The following HNRNPF variants were observed in gnomAD, a reference collection of about 807,000 sequenced individuals.
HNRNPF encodes HnRNP F protein.
A neutral mutation model predicts 26.0 loss-of-function variants in HNRNPF; 2 were observed. The ratio of observed to expected loss-of-function variants is 0.08; its 90% confidence interval spans 0.03 to 0.24. The LOEUF (loss-of-function observed/expected upper bound fraction) is 0.24. Ranked by LOEUF, HNRNPF falls within the 10% of genes least tolerant of loss-of-function variation. The probability of loss-of-function intolerance (pLI) is 1.00; values close to 1 mark genes in which losing one functional copy is unlikely to be tolerated. For missense variants in HNRNPF, 299 were observed against 539.2 expected, an observed-to-expected ratio of 0.55 and a Z score of 4.41; for synonymous variants, 234 against 211.5, an observed-to-expected ratio of 1.11 and a Z score of -0.92.
chr10:43,387,579 G>T lies in HNRNPF; in HGVS notation c.306C>A (p.Pro102=), dbSNP rs1588986322. Residue 102 remains proline (P), a synonymous_variant, in exon 4 of 4, where the codon CCC becomes CCA. Coordinates refer to ENST00000682386, the MANE Select transcript of HNRNPF (RefSeq NM_001098204.2). This position sits in a 1 kb window ranked among gnomAD's most constrained non-coding sequence, Gnocchi z 6.0. The part of the protein sequence containing the change: ...EMDWVLKHSG[P]NSADSANDGF... ...CATCGTTGGCGCTGTCGGCACTGTT[G>T]GGACCACTGTGCTTCAACACCCAAT... 6.2e-7 allele frequency: 1 copy of T among 1,614,138 alleles called. No homozygotes were observed. Among genetic ancestry groups the T allele is most frequent in the Non-Finnish European group, 8.5e-7 (1 of 1,180,018 alleles).
At chr10:43,393,814 T>C (rs1489065798) in intron 3 of HNRNPF, among the ~76,000 whole-genome samples, 1 of 152,154 alleles carries the variant, frequency 6.6e-6, no homozygotes, top group Non-Finnish European at 1.5e-5. Flanking sequence ...CACTTCCTTT[T>C]TTCTCCTGGA....
chr10:43,395,695 T>C (rs1463713964), intron 2 of HNRNPF, among the ~76,000 whole-genome samples: 2 of 152,196 alleles, frequency 1.3e-5, no homozygotes. Context: ...ACAATCCGAC[T>C]TGTTCAAGGA....
chr10:43,387,886 G>GA lies in HNRNPF; in HGVS notation c.-3dup. On this transcript the variant is annotated 5_prime_UTR_variant, in exon 4 of 4. Transcript: ENST00000682386. This position sits in a 1 kb window ranked among gnomAD's most constrained non-coding sequence, Gnocchi z 6.0. Reference sequence around the variant, plus strand: ...ACCTCCCTCAGGGCCCAGCATCATGGACACTTGTCAGGGTGGGTGTCAGGT... The same window carrying GA: ...ACCTCCCTCAGGGCCCAGCATCATGGAACACTTGTCAGGGTGGGTGTCAGGT... 1 of 1,598,610 alleles carries GA rather than the reference G, an allele frequency of 6.3e-7. No homozygotes were observed. Among genetic ancestry groups the GA allele is most frequent in the Non-Finnish European group, 8.6e-7 (1 of 1,167,258 alleles).
In HNRNPF at chr10:43,386,256, G is replaced by A. The variant is rs1226486689; in HGVS notation, c.*381C>T. On this transcript the variant is annotated 3_prime_UTR_variant, in exon 4 of 4. Transcript: ENST00000682386. ...AATATAAACTAGAATGAACAAACAT[G>A]AGAAATATTTCTTTGAATCAGGGAG... The A allele has an allele frequency of 2.5e-5, 4 of 162,608 alleles. No homozygotes were observed. Among genetic ancestry groups the A allele is most frequent in the African/African-American group, 9.6e-5 (4 of 41,826 alleles). The allele number at this position is 162,608 out of a possible 1,614,324, so 10.1% of individuals were successfully genotyped here.
rs1838390058 is a variant in HNRNPF at position 43,394,658 on chromosome 10, G to A, written c.-81C>T. ...AAAAACAACCACGGATGCCTTCAGT[G>A]GGAGACACTTCTGGATGGTAATGAA... On this transcript the variant is annotated 5_prime_UTR_variant, in exon 3 of 4. Coordinates refer to ENST00000682386, the MANE Select transcript of HNRNPF (RefSeq NM_001098204.2). The A allele has an allele frequency of 6.6e-6, 1 of 152,102 alleles. No individual in the cohort carries two copies. Among genetic ancestry groups the A allele is most frequent in the Non-Finnish European group, 1.5e-5 (1 of 68,036 alleles). 9.4% of individuals were successfully genotyped at this position (152,102 alleles called of 1,614,324 possible). A position where few individuals can be genotyped will look rare whatever the true frequency, so the allele number is the denominator to read the frequency against.
chr10:43,403,877 C>T (rs1289567857), intron 1 of HNRNPF, among the ~76,000 whole-genome samples: 1 of 152,092 alleles, frequency 6.6e-6, no homozygotes, highest in African/African-American at 2.4e-5. Flanking sequence ...CACCTGTAAT[C>T]CCAGCTACTT....
intron 1 of HNRNPF, among the ~76,000 whole-genome samples, chr10:43,402,551 T>C (rs1328812586): frequency 6.6e-6 from 1 of 152,218 alleles, no homozygotes; most frequent in African/African-American, 2.4e-5. Flanking sequence ...TAGTCTGTAT[T>C]ACTTTGCATG....
At position 43,386,686 on chromosome 10, in the gene HNRNPF, C is replaced by G. The variant is rs775539785; in HGVS notation, c.1199G>C (p.Cys400Ser). The change falls in exon 4 of 4, where the codon TGT (cysteine) becomes TCT (serine). Residue 400 changes from cysteine to serine, a missense_variant. Cys to Ser is a moderately radical substitution (Grantham distance 112). Around this residue, in one of 6 missense-constraint regions of HNRNPF, gnomAD observed 53 missense variants for 72.4 expected, o/e 0.73. Coordinates refer to ENST00000682386, the MANE Select transcript of HNRNPF (RefSeq NM_001098204.2). ...SGLESQSVSG[C>S]YGAGYSGQNS... ...CTGCCCACTGTAGCCGGCCCCGTAA[C>G]AGCCACTCACTGACTGGCTCTCCAG... 12 of 1,595,716 alleles carry G rather than the reference C, an allele frequency of 7.5e-6. No homozygotes were observed. Among genetic ancestry groups the G allele is most frequent in the Non-Finnish European group, 9.4e-6 (11 of 1,175,412 alleles).
chr10:43,407,715 A>G (rs992672907), intron 1 of HNRNPF: 2 of 151,880 alleles, frequency 1.3e-5, no homozygotes, highest in Admixed American at 6.6e-5. Flanking sequence ...CAAACACGAT[A>G]CCTCTAGGAG....
At chr10:43,393,865 T>C (rs997831584) in intron 3 of HNRNPF, among the ~76,000 whole-genome samples, 5 of 152,238 alleles carry the variant, frequency 3.3e-5, no homozygotes, top group African/African-American at 7.2e-5. Context: ...GTGACGCACA[T>C]AGTTGACACT....
chr10:43,386,643 A>G lies in HNRNPF; in HGVS notation c.1242T>C (p.Tyr414=), dbSNP rs1838034932. ...GYSGQNSMGG[Y]D is the part of the protein sequence containing the mutation. ...TCAAATGTTCCTAACAAAACTAGTC[A>G]TAGCCACCCATGCTGTTCTGCCCAC... The change falls in exon 4 of 4, where the codon TAT becomes TAC. Residue 414 remains tyrosine, a synonymous_variant. Transcript: ENST00000682386. The G allele has an allele frequency of 6.5e-7, 1 of 1,547,044 alleles. No individual in the cohort carries two copies. Among genetic ancestry groups the G allele is most frequent in the East Asian group, 2.3e-5 (1 of 44,278 alleles).
In HNRNPF at chr10:43,387,261, C is replaced by T. The variant is rs1348835335; in HGVS notation, c.624G>A (p.Gly208=). Residue 208 remains glycine (G), a synonymous_variant, in exon 4 of 4, where the codon GGG becomes GGA. Transcript: ENST00000682386. The surrounding 1 kb of genome is among the most constrained non-coding windows in gnomAD (Gnocchi z 6.0). ...TGGCAGTCCCGGGCCGGTCATAGGG[C>T]CCTGGCCGCTGCACGGACATGAACT... The part of the protein sequence containing the change: ...PLKFMSVQRP[G]PYDRPGTARR... 9.3e-6 allele frequency: 15 copies of T among 1,614,224 alleles called. No homozygotes were observed. The highest frequency in any genetic ancestry group is 1.3e-5 in the Non-Finnish European group (15 of 1,180,044).
In HNRNPF at chr10:43,386,747, T is replaced by A. The variant is rs1396669938; in HGVS notation, c.1138A>T (p.Met380Leu). ...GTGGCCTGGGCAGCAGACACCCCCA[T>A]GCCTTGCATCACCTGGCTGCTATAC... Reference protein sequence around the residue: ...GAYSSQVMQGMGVSAAQATYS... With the variant: ...GAYSSQVMQGLGVSAAQATYS... The change falls in exon 4 of 4, where the codon ATG (methionine) becomes TTG (leucine). Residue 380 changes from methionine (M) to leucine (L), a missense_variant. By Grantham distance (15) the Met-to-Leu change is conservative. Coordinates refer to ENST00000682386, the MANE Select transcript of HNRNPF (RefSeq NM_001098204.2). 1.2e-6 allele frequency: 2 copies of A among 1,614,078 alleles called. No individual in the cohort carries two copies. Among genetic ancestry groups the A allele is most frequent in the African/African-American group, 1.3e-5 (1 of 74,934 alleles).
intron 3 of HNRNPF, among the ~76,000 whole-genome samples, chr10:43,393,196 T>C (rs1024722495): frequency 1.3e-5 from 2 of 152,250 alleles, no homozygotes; most frequent in African/African-American, 2.4e-5. Context: ...TAATGGGAGT[T>C]ATCAAATTGT....
chr10:43,396,377 C>T (rs1406461851), intron 2 of HNRNPF, 79 bp downstream of exon 2: 1 of 152,004 alleles, frequency 6.6e-6, no homozygotes, highest in African/African-American at 2.4e-5. Flanking sequence ...GGCCGCGCCG[C>T]CCCCATTACT....
At chr10:43,401,292 C>T (rs1020586148) in intron 1 of HNRNPF, among the ~76,000 whole-genome samples, 1 of 152,182 alleles carries the variant, frequency 6.6e-6, no homozygotes, top group Non-Finnish European at 1.5e-5. Context: ...CCTCAGCGTT[C>T]ATTTCTCAAA....
chr10:43,407,643 A>AG (rs1838970454), intron 1 of HNRNPF: 1 of 146,054 alleles, frequency 6.8e-6, no homozygotes, highest in Non-Finnish European at 1.5e-5. Context: ...AACAAACAAA[A>AG]GGAAAAAAAA....
intron 1 of HNRNPF, among the ~76,000 whole-genome samples, chr10:43,405,818 G>C (rs1426487995): frequency 6.6e-6 from 1 of 152,132 alleles, no homozygotes; most frequent in Non-Finnish European, 1.5e-5. Flanking sequence ...TCTGGGATTT[G>C]CTGTAAAATA....
intron 1 of HNRNPF, among the ~76,000 whole-genome samples, chr10:43,405,398 T>C (rs140003212): frequency 7.6e-4 from 116 of 152,318 alleles, no homozygotes; most frequent in African/African-American, 2.7e-3. Flanking sequence ...GGCTCACGCC[T>C]GTAATCCCAG....
Sources: allele counts gnomAD v4.1 joint callset (sites outside exome capture counted in the v4.1 genomes callset), GRCh38; gene constraint gnomAD v4.1.1; regional missense constraint gnomAD v4.1.1; non-coding constraint Gnocchi (gnomAD v3.1); transcripts MANE v1.5; gene names NCBI Gene and HGNC (gene_info 2026-07-23, HGNC 2026-07-21).